HMCN1: variants seen among roughly 807,000 people sequenced by gnomAD.
The protein encoded by HMCN1 is hemicentin-1.
Under a neutral mutation model 625.9 loss-of-function variants are expected in HMCN1, and 321 were observed. The ratio of observed to expected loss-of-function variants is 0.51; its 90% CI spans 0.47 to 0.56. The LOEUF (loss-of-function observed/expected upper bound fraction) is 0.56, where lower values mean the gene tolerates loss of function less well. Ranked by LOEUF, HMCN1 falls within the 20% of genes least tolerant of loss-of-function variation. HMCN1 has a pLI of 0.00. For synonymous variants in HMCN1, 2,425 were observed against 2,417.6 expected (o/e 1.00, Z -0.09); for missense variants, 6,588 against 6,887.3 (o/e 0.96, Z 1.54).
chr1:185,971,136 A>G (rs1035576850), intron 15 of HMCN1, among the ~76,000 whole-genome samples: 5 of 152,192 alleles, frequency 3.3e-5, no homozygotes, highest in Non-Finnish European at 7.3e-5. Context: ...TTCCCTACGA[A>G]GAGTCATCCA....
At chr1:185,809,778 T>A (rs1216932748) in intron 1 of HMCN1, among the ~76,000 whole-genome samples, 2 of 152,020 alleles carry the variant, frequency 1.3e-5, no homozygotes, top group Admixed American at 6.6e-5. Context: ...CTTGCCAGAT[T>A]TAGTGATTTA....
Position 186,190,124 on chromosome 1 carries a change from C to CAAAG in HMCN1, c.*248_*251dup. 4 of 542,398 alleles carry CAAAG rather than the reference C, an allele frequency of 7.4e-6. No individual in the cohort carries two copies. In the South Asian group the frequency reaches 8.2e-5, roughly 11 times the overall value. 33.6% of individuals were successfully genotyped at this position (542,398 alleles called of 1,614,324 possible). ...TTATTACACTGGAGCAGTTACTTCC[C>CAAAG]AAAGATTATTCTGAACATCTAACAG... On this transcript the variant is annotated 3_prime_UTR_variant, in exon 107 of 107. Transcript: ENST00000271588.
chr1:186,091,011 A>G (rs1659812885), intron 64 of HMCN1, 94 bp downstream of exon 64: 1 of 1,368,608 alleles, frequency 7.3e-7, no homozygotes, highest in Non-Finnish European at 1.0e-6. Context: ...ACCGAATTCC[A>G]TCCCATTGGA....
chr1:185,840,202 A>G (rs1190711478), intron 1 of HMCN1, among the ~76,000 whole-genome samples: 1 of 152,250 alleles, frequency 6.6e-6, no homozygotes, highest in Admixed American at 6.5e-5. Context: ...CATGTATTGT[A>G]GATAAACTGA....
chr1:185,851,356 C>G (rs976319394), intron 2 of HMCN1, among the ~76,000 whole-genome samples: 6 of 152,090 alleles, frequency 3.9e-5, no homozygotes, highest in Non-Finnish European at 7.4e-5. Context: ...CATTAATCAT[C>G]CATTAACATT....
chr1:185,801,021 C>G (rs1329935550), intron 1 of HMCN1, among the ~76,000 whole-genome samples: 4 of 152,064 alleles, frequency 2.6e-5, no homozygotes, highest in African/African-American at 9.7e-5. Context: ...TTGGATACAT[C>G]TAAAAACAAA....
intron 5 of HMCN1, among the ~76,000 whole-genome samples, chr1:185,911,181 C>T (rs931029194): frequency 1.1e-4 from 16 of 152,184 alleles, no homozygotes; most frequent in Admixed American, 7.2e-4. Context: ...CTCTCTAGAA[C>T]GACATTTATT....
chr1:185,787,178 T>TGC (rs1553239858), intron 1 of HMCN1, among the ~76,000 whole-genome samples: 7 of 150,876 alleles, frequency 4.6e-5, no homozygotes, highest in African/African-American at 9.8e-5. Flanking sequence ...TGTGTGTGTG[T>TGC]GCATGCACGT....
intron 15 of HMCN1, among the ~76,000 whole-genome samples, chr1:185,975,040 A>G (rs1356433655): frequency 2.0e-5 from 3 of 152,134 alleles, no homozygotes; most frequent in Admixed American, 6.6e-5. Flanking sequence ...AGGCTTCTGC[A>G]TATCTTTGTG....
At chr1:185,827,938 A>G (rs1660625534) in intron 1 of HMCN1, among the ~76,000 whole-genome samples, 2 of 152,212 alleles carry the variant, frequency 1.3e-5, no homozygotes, top group Admixed American at 6.5e-5. Context: ...CTAGAAAATA[A>G]TGGAGCAAAA....
Position 185,962,514 on chromosome 1 carries a change from G to A in HMCN1, c.1829-4G>A. Reference sequence around the variant, plus strand: ...TTTCTACATACGTATATTTTTATTTGCAGAACCACCCAAAGTCACTGTGAT... The same window carrying A: ...TTTCTACATACGTATATTTTTATTTACAGAACCACCCAAAGTCACTGTGAT... On this transcript the variant is annotated splice_region_variant and splice_polypyrimidine_tract_variant and intron_variant, in intron 11 of 106. Coordinates refer to ENST00000271588, the MANE Select transcript of HMCN1 (RefSeq NM_031935.3). 1.2e-6 allele frequency: 2 copies of A among 1,612,674 alleles called. No homozygotes were observed. The highest frequency in any genetic ancestry group is 1.7e-6 in the Non-Finnish European group (2 of 1,178,836).
At chr1:186,138,656 C>T (rs1345852892) in intron 89 of HMCN1, among the ~76,000 whole-genome samples, 1 of 152,162 alleles carries the variant, frequency 6.6e-6, no homozygotes, top group Non-Finnish European at 1.5e-5. Context: ...CAGCTACTGG[C>T]TCACAGGGGC....
intron 4 of HMCN1, among the ~76,000 whole-genome samples, chr1:185,906,951 A>ATTTTTTTT (rs573094693): frequency 1.8e-5 from 2 of 108,628 alleles, no homozygotes; most frequent in African/African-American, 3.0e-5. Flanking sequence ...AATCCTTTCT[A>ATTTTTTTT]TTTTTTTTTT....
At chr1:185,990,584 A>G in intron 22 of HMCN1, 141 bp downstream of exon 22, 1 of 730,624 alleles carries the variant, frequency 1.4e-6, no homozygotes, top group Non-Finnish European at 2.4e-6. Context: ...CTGAGTCTAC[A>G]GGAAGTATTT....
intron 8 of HMCN1, among the ~76,000 whole-genome samples, chr1:185,924,215 CTTTTTTTTTTTTTTTTTTTTTT>C (rs58164381): frequency 6.9e-5 from 3 of 43,626 alleles, no homozygotes; most frequent in African/African-American, 2.7e-4. Context: ...CTGACCCAAT[CTTTTTTTTTTTTTTTTTTTTTT>C]TTTTTTTTTT....
chr1:186,093,223 G>C lies in HMCN1; in HGVS notation c.9977G>C (p.Gly3326Ala). ...KYTCVATNPA[G>A]EEDRIFNLNV... ...ACATGTGTTGCTACTAATCCCGCTG[G>C]AGAAGAAGACCGAATTTTTAACTTG... is the stretch of plus-strand genomic sequence containing the variant. Residue 3326 changes from glycine (G) to alanine (A), a missense_variant, in exon 65 of 107, where the codon GGA (glycine) becomes GCA (alanine). Around this residue, in one of 3 missense-constraint regions of HMCN1, gnomAD observed 4,628 missense variants for 4,853.1 expected, o/e 0.95. Transcript: ENST00000271588. The C allele has an allele frequency of 6.2e-7, 1 of 1,613,348 alleles. No homozygotes were observed. The highest frequency in any genetic ancestry group is 8.5e-7 in the Non-Finnish European group (1 of 1,179,576).
chr1:186,065,258 A>G lies in HMCN1; in HGVS notation c.7534A>G (p.Thr2512Ala). The G allele has an allele frequency of 6.2e-7, 1 of 1,612,198 alleles. No individual in the cohort carries two copies. Among genetic ancestry groups the G allele is most frequent in the African/African-American group, 1.3e-5 (1 of 75,006 alleles). ...EVTGNPVPEI[T>A]WHKDGQPLQE... ...TACAGGGAATCCAGTGCCAGAAATTACATGGCACAAAGATGGGCAGCCCCT... is the reference window on the plus strand; with the variant it reads ...TACAGGGAATCCAGTGCCAGAAATTGCATGGCACAAAGATGGGCAGCCCCT... Residue 2512 changes from threonine (T) to alanine (A), a missense_variant, in exon 49 of 107, where the codon ACA becomes GCA. Thr to Ala is a moderately conservative substitution (Grantham distance 58, BLOSUM62 0). Around this residue, in one of 3 missense-constraint regions of HMCN1, gnomAD observed 4,628 missense variants for 4,853.1 expected, o/e 0.95. Coordinates refer to ENST00000271588, the MANE Select transcript of HMCN1 (RefSeq NM_031935.3).
intron 42 of HMCN1, among the ~76,000 whole-genome samples, chr1:186,052,272 C>T (rs1359873219): frequency 1.3e-5 from 2 of 152,018 alleles, no homozygotes; most frequent in Non-Finnish European, 2.9e-5. Context: ...CACTCCTCAA[C>T]TCTCAGGATC....
Position 186,001,310 on chromosome 1 carries a change from T to A in HMCN1, c.4082T>A (p.Ile1361Asn). The A allele has an allele frequency of 6.2e-7, 1 of 1,611,492 alleles. No homozygotes were observed. Among genetic ancestry groups the A allele is most frequent in the Non-Finnish European group, 8.5e-7 (1 of 1,178,198 alleles). The change falls in exon 27 of 107, where the codon ATT (isoleucine) becomes AAT (asparagine). Residue 1361 changes from isoleucine (I) to asparagine (N), a missense_variant. This residue lies in a region of HMCN1 where 4,628 missense variants were observed against 4,853.1 expected (regional missense o/e 0.95). Transcript: ENST00000271588. ...TCTCTTTTTGCAGTTCCTCCAGTAATTAAAGATAAAGAACAAGTTACAAAT... is the reference window on the plus strand; with the variant it reads ...TCTCTTTTTGCAGTTCCTCCAGTAAATAAAGATAAAGAACAAGTTACAAAT... ...YNLKVHVPPV[I>N]KDKEQVTNVS...
Sources: gnomAD v4.1 joint callset for allele counts (sites outside exome capture counted in the v4.1 genomes callset) on GRCh38, gnomAD v4.1.1 for gene constraint, gnomAD v4.1.1 regional missense constraint, MANE v1.5 for transcripts, NCBI Gene and HGNC (gene_info 2026-07-23, HGNC 2026-07-21) for gene names.